Variants in ADAM12 observed in about 807,000 individuals in gnomAD.
ADAM12 encodes the protein disintegrin and metalloproteinase domain-containing protein 12.
Under a neutral mutation model 106.4 loss-of-function variants are expected in ADAM12, and 70 were observed. The ratio of observed to expected loss-of-function variants is 0.66; its 90% CI spans 0.54 to 0.80. The LOEUF (loss-of-function observed/expected upper bound fraction) is 0.80, where lower values mean the gene tolerates loss of function less well. Ranked by LOEUF, ADAM12 falls within the 30% of genes least tolerant of loss-of-function variation. The pLI is 0.00. For synonymous variants in ADAM12, 420 were observed against 433.5 expected (o/e 0.97, Z 0.39); for missense variants, 1,010 against 1,171.9 (o/e 0.86, Z 2.02).
At chr10:126,079,165 T>C (rs1459360518) in intron 11 of ADAM12, among the ~76,000 whole-genome samples, 1 of 152,244 alleles carries the variant, frequency 6.6e-6, no homozygotes, top group East Asian at 1.9e-4. Context: ...TAAATTGATG[T>C]TGAATTTACA....
chr10:126,142,972 G>A (rs1387730221), intron 4 of ADAM12, among the ~76,000 whole-genome samples: 2 of 151,766 alleles, frequency 1.3e-5, no homozygotes, highest in African/African-American at 4.9e-5. Context: ...GTATATCAGT[G>A]TGCATGTGTA....
At chr10:126,247,077 T>C (rs1958645031) in intron 3 of ADAM12, among the ~76,000 whole-genome samples, 1 of 152,222 alleles carries the variant, frequency 6.6e-6, no homozygotes, top group South Asian at 2.1e-4. Flanking sequence ...GGTTTCAAAA[T>C]TGTATAAAAT....
intron 18 of ADAM12, among the ~76,000 whole-genome samples, chr10:126,040,153 T>C (rs1954134738): frequency 6.6e-6 from 1 of 152,032 alleles, no homozygotes. Flanking sequence ...AGGAAAAAAA[T>C]CAAACCATCA....
At chr10:126,158,210 G>A (rs1167648735) in intron 3 of ADAM12, among the ~76,000 whole-genome samples, 5 of 106 alleles carry the variant, frequency 0.047, no homozygotes, top group East Asian at 0.42. Context: ...CACAACACAG[G>A]ACATATCTGC....
chr10:126,361,039 G>T (rs181913073), intron 1 of ADAM12, among the ~76,000 whole-genome samples: 2 of 152,118 alleles, frequency 1.3e-5, no homozygotes, highest in Non-Finnish European at 2.9e-5. Flanking sequence ...ATCAGATCTC[G>T]TGAGGCTTAT....
intron 3 of ADAM12, among the ~76,000 whole-genome samples, chr10:126,278,293 AG>A (rs1959374832): frequency 6.6e-6 from 1 of 152,202 alleles, no homozygotes; most frequent in South Asian, 2.1e-4. Context: ...GCAAAGAATA[AG>A]AAAACGAGTT....
intron 3 of ADAM12, among the ~76,000 whole-genome samples, chr10:126,204,622 T>G (rs2133825619): frequency 6.6e-6 from 1 of 152,280 alleles, no homozygotes; most frequent in South Asian, 2.1e-4. Flanking sequence ...AGACCGCAAA[T>G]GAAAATGTGG....
chr10:126,385,839 G>A (rs1290600325), intron 1 of ADAM12, among the ~76,000 whole-genome samples: 1 of 152,142 alleles, frequency 6.6e-6, no homozygotes, highest in East Asian at 1.9e-4. Flanking sequence ...CCACTGGGGA[G>A]TTTTAGACAG....
chr10:126,259,643 C>T (rs537028234), intron 3 of ADAM12, among the ~76,000 whole-genome samples: 88 of 152,294 alleles, frequency 5.8e-4, no homozygotes, highest in Non-Finnish European at 1.0e-3. Flanking sequence ...CTACTACAAA[C>T]GCTTTGAGCT....
At chr10:126,153,898 A>G (rs1486594896) in intron 4 of ADAM12, among the ~76,000 whole-genome samples, 1 of 152,190 alleles carries the variant, frequency 6.6e-6, no homozygotes, top group African/African-American at 2.4e-5. Context: ...GGCCCAGACT[A>G]TTCCCAACAT....
At chr10:126,250,661 G>T (rs771781299) in intron 3 of ADAM12, among the ~76,000 whole-genome samples, 3 of 152,100 alleles carry the variant, frequency 2.0e-5, no homozygotes, top group Non-Finnish European at 4.4e-5. Flanking sequence ...ATTGTTAACC[G>T]AAATTTTTGT....
intron 2 of ADAM12, among the ~76,000 whole-genome samples, chr10:126,287,304 G>C (rs982879750): frequency 3.9e-5 from 6 of 152,090 alleles, no homozygotes; most frequent in Non-Finnish European, 8.8e-5. Flanking sequence ...TTCCTTTCTT[G>C]AGCTTACTAT....
In ADAM12 at chr10:126,249,491, A is replaced by C. The variant is rs143374063; in HGVS notation, c.260+29424T>G. ...GAGGCGGGAGGATCACGAGGTCAGG[A>C]GATCAAGACCATCCTGGCTAACACC... On this transcript the variant is annotated intron_variant, in intron 3 of 22. Transcript: ENST00000448723. 8.9e-3 allele frequency among the ~76,000 whole-genome samples: 1,360 copies of C among 152,320 alleles called. 42 individuals carry two copies. The East Asian group carries it at 0.12, about 13-fold the overall frequency.
intron 9 of ADAM12, 37 bp downstream of exon 9, chr10:126,101,032 ACTC>A (rs768602221): frequency 1.7e-5 from 27 of 1,598,660 alleles, no homozygotes; most frequent in Middle Eastern, 1.9e-4. Flanking sequence ...CGCCGAGAGC[ACTC>A]CTTTTTTTTT....
intron 3 of ADAM12, among the ~76,000 whole-genome samples, chr10:126,268,577 C>T (rs1044564951): frequency 6.6e-6 from 1 of 152,190 alleles, no homozygotes; most frequent in African/African-American, 2.4e-5. Context: ...CGTTGCAGCT[C>T]TTTGTCATCA....
At chr10:126,169,937 C>T (rs901652120) in intron 3 of ADAM12, among the ~76,000 whole-genome samples, 4 of 152,324 alleles carry the variant, frequency 2.6e-5, no homozygotes, top group South Asian at 2.1e-4. Flanking sequence ...TGGCATCTTC[C>T]GCCTAGCCCA....
chr10:126,297,153 A>C (rs1040376342), intron 2 of ADAM12, among the ~76,000 whole-genome samples: 6 of 152,204 alleles, frequency 3.9e-5, no homozygotes, highest in African/African-American at 1.4e-4. Flanking sequence ...AAGTCATCTA[A>C]AGGAAATAAC....
At chr10:126,190,383 T>A (rs1957477696) in intron 3 of ADAM12, among the ~76,000 whole-genome samples, 3 of 151,964 alleles carry the variant, frequency 2.0e-5, no homozygotes, top group African/African-American at 7.3e-5. Flanking sequence ...ACTTTTGTAT[T>A]CTTAGTAGAG....
intron 11 of ADAM12, among the ~76,000 whole-genome samples, chr10:126,082,070 A>G (rs1317638010): frequency 6.6e-6 from 1 of 152,218 alleles, no homozygotes; most frequent in Non-Finnish European, 1.5e-5. Context: ...TGGAAGGGCC[A>G]GTTTTTCTTT....
Sources: allele counts gnomAD v4.1 joint callset (sites outside exome capture counted in the v4.1 genomes callset), GRCh38; gene constraint gnomAD v4.1.1; transcripts MANE v1.5; gene names NCBI Gene and HGNC (gene_info 2026-07-23, HGNC 2026-07-21).